Variants in SDR42E1 observed in about 807,000 individuals in gnomAD.
SDR42E1 encodes the protein short chain dehydrogenase/reductase family 42E, member 1, also known as short-chain dehydrogenase/reductase family 42E member 1.
In SDR42E1, 5 loss-of-function variants were observed where a neutral mutation model predicts 2.6. The ratio of observed to expected loss-of-function variants is 1.94; its 90% CI spans 1.01 to 4.08. The LOEUF (loss-of-function observed/expected upper bound fraction) is 4.08. Among genes scored for constraint, SDR42E1 ranks in the 30% most tolerant of loss-of-function variants. The pLI is 0.00. For synonymous variants in SDR42E1, 231 were observed against 188.3 expected, an observed-to-expected ratio of 1.23 and a Z score of -1.86; for missense variants, 596 against 478.6, an observed-to-expected ratio of 1.25 and a Z score of -2.29.
At position 81,996,290 on chromosome 16, in the gene SDR42E1, A is replaced by C. The variant is rs1240712972; in HGVS notation, c.*2821T>G. 1.3e-5 allele frequency: 2 copies of C among 152,266 alleles called. No homozygotes were observed. Among genetic ancestry groups the C allele is most frequent in the Non-Finnish European group, 2.9e-5 (2 of 68,104 alleles). The allele number at this position is 152,266 out of a possible 1,614,324, so 9.4% of individuals were successfully genotyped here. A position where few individuals can be genotyped will look rare whatever the true frequency, so the allele number is the denominator to read the frequency against. ...GGAAGAGCAAATGGGCTACTAGTGG[A>C]ATCTATGGGAGAGAAGGTACACCTA... On this transcript the variant is annotated 3_prime_UTR_variant, in exon 3 of 3. Coordinates refer to ENST00000328945, the MANE Select transcript of SDR42E1 (RefSeq NM_145168.3).
rs200310842 is a variant in SDR42E1 at position 81,999,355 on chromosome 16, C to A, written c.938G>T (p.Arg313Leu). The A allele has an allele frequency of 1.2e-4, 188 of 1,614,034 alleles. No individual in the cohort carries two copies. Among genetic ancestry groups the A allele is most frequent in the Non-Finnish European group, 1.6e-4 (183 of 1,180,042 alleles). The change falls in exon 3 of 3, where the codon CGC (arginine) becomes CTC (leucine). Residue 313 changes from arginine (R) to leucine (L), a missense_variant. Physicochemically the swap from Arg to Leu is moderately radical, Grantham distance 102. Coordinates refer to ENST00000328945, the MANE Select transcript of SDR42E1 (RefSeq NM_145168.3). ...RLYNFQPFLTRTEVYKTGVTH... is the reference protein window; with the variant it reads ...RLYNFQPFLTLTEVYKTGVTH... ...GACACCAGTTTTGTAAACTTCAGTG[C>A]GAGTGAGGAAGGGCTGGAAGTTGTA... is the stretch of plus-strand genomic sequence containing the variant.
At chr16:82,009,589 G>C (rs1263139655) in intron 1 of SDR42E1, among the ~76,000 whole-genome samples, 1 of 152,210 alleles carries the variant, frequency 6.6e-6, no homozygotes, top group Admixed American at 6.5e-5. Flanking sequence ...TTTGGAATGA[G>C]TATACTTACC....
chr16:82,008,392 A>G, intron 1 of SDR42E1, among the ~76,000 whole-genome samples: 1 of 152,254 alleles, frequency 6.6e-6, no homozygotes, highest in East Asian at 1.9e-4. Context: ...TGGAGGGCTC[A>G]GAAGAAGACA....
chr16:81,999,475 A>G lies in SDR42E1; in HGVS notation c.818T>C (p.Leu273Pro), dbSNP rs1912659212. The stretch of plus-strand genomic sequence containing the variant: ...GCGGGTAGACGGGAATGTGTAGCCC[A>G]GGCCCTCAACCAGAGGCCGGAAGAA... ...FEFFRPLVEG[L>P]GYTFPSTRLP... is the part of the protein sequence containing the mutation. The change falls in exon 3 of 3, where the codon CTG becomes CCG. Residue 273 changes from leucine (L) to proline (P), a missense_variant. Physicochemically the swap from Leu to Pro is moderately conservative, Grantham distance 98. Transcript: ENST00000328945. 1 of 1,614,080 alleles carries G rather than the reference A, an allele frequency of 6.2e-7. No individual in the cohort carries two copies. The highest frequency in any genetic ancestry group is 1.7e-5 in the Admixed American group (1 of 60,010).
rs974375675 is a variant in SDR42E1 at position 81,989,258 on chromosome 16, C to G, written c.*9853G>C. ...AATATCAATAGATCACCATGCTGTA[C>G]TATTGAGTGAGAAACCGTAGTAGCA... On this transcript the variant is annotated 3_prime_UTR_variant, in exon 3 of 3. Coordinates refer to ENST00000328945, the MANE Select transcript of SDR42E1 (RefSeq NM_145168.3). The G allele has an allele frequency of 6.6e-6, 1 of 152,032 alleles. No individual in the cohort carries two copies. The highest frequency in any genetic ancestry group is 1.5e-5 in the Non-Finnish European group (1 of 68,018). 9.4% of individuals were successfully genotyped at this position (152,032 alleles called of 1,614,324 possible). A position where few individuals can be genotyped will look rare whatever the true frequency, so the allele number is the denominator to read the frequency against.
rs546277599 is a variant in SDR42E1, at chr16:81,993,415, T to G, written c.*5696A>C. 1 of 152,220 alleles carries G rather than the reference T, an allele frequency of 6.6e-6. No individual in the cohort carries two copies. Among genetic ancestry groups the G allele is most frequent in the South Asian group, 2.1e-4 (1 of 4,816 alleles). 9.4% of individuals were successfully genotyped at this position (152,220 alleles called of 1,614,324 possible). On this transcript the variant is annotated 3_prime_UTR_variant, in exon 3 of 3. Coordinates refer to ENST00000328945, the MANE Select transcript of SDR42E1 (RefSeq NM_145168.3). ...CTGGAGTCTGTATATCGAGGTAAAA[T>G]AGATGTAAGGAGTTCCTGAAATCAT...
rs1344805139 is a variant in SDR42E1 at position 81,999,170 on chromosome 16, A to G, written c.1123T>C (p.Phe375Leu). The change falls in exon 3 of 3, where the codon TTC becomes CTC. Residue 375 changes from phenylalanine (F) to leucine (L), a missense_variant. By Grantham distance (22) the Phe-to-Leu change is conservative. Transcript: ENST00000328945. ...ATGAGAACTGCTATAATCAGGAGGA[A>G]GACCAATAGCCCATCCCAAACAAAA... is the stretch of plus-strand genomic sequence containing the variant. Reference protein sequence around the residue: ...ECFVWDGLLVFLLIIAVLMWL... With the variant: ...ECFVWDGLLVLLLIIAVLMWL... 2.5e-6 allele frequency: 4 copies of G among 1,614,238 alleles called. No individual in the cohort carries two copies. The highest frequency in any genetic ancestry group is 1.3e-5 in the African/African-American group (1 of 75,070).
chr16:81,999,688 C>G lies in SDR42E1; in HGVS notation c.605G>C (p.Ser202Thr), dbSNP rs914035439. The G allele has an allele frequency of 6.2e-7, 1 of 1,614,186 alleles. No individual in the cohort carries two copies. Among genetic ancestry groups the G allele is most frequent in the Non-Finnish European group, 8.5e-7 (1 of 1,180,032 alleles). ...CTTGAACAGACCCTTCTCGATGTAG[C>G]TGACTATCCTGGGAAGGTGTCTTTG... ...GEQRHLPRIV[S>T]YIEKGLFKFV... The change falls in exon 3 of 3, where the codon AGC (serine) becomes ACC (threonine). Residue 202 changes from serine (S) to threonine (T), a missense_variant. Ser to Thr is a moderately conservative substitution (Grantham distance 58). Transcript: ENST00000328945.
intron 1 of SDR42E1, among the ~76,000 whole-genome samples, chr16:82,011,002 T>C (rs1352991640): frequency 6.6e-6 from 1 of 152,228 alleles, no homozygotes; most frequent in Non-Finnish European, 1.5e-5. Context: ...AACCTGTCAC[T>C]GCCACTTTTA....
In SDR42E1 at chr16:81,990,286, T is replaced by G. The variant is rs1159196011; in HGVS notation, c.*8825A>C. The G allele has an allele frequency of 1.3e-5, 2 of 152,066 alleles. No homozygotes were observed. Among genetic ancestry groups the G allele is most frequent in the African/African-American group, 2.4e-5 (1 of 41,384 alleles). The allele number at this position is 152,066 out of a possible 1,614,324, so 9.4% of individuals were successfully genotyped here. ...CTACACTTCAGCCTGGTCGACAGAG[T>G]GACACCATGTCTCAAAAGAAAAAAA... On this transcript the variant is annotated 3_prime_UTR_variant, in exon 3 of 3. Transcript: ENST00000328945.
rs910613671 is a variant in SDR42E1, at chr16:81,994,846, T to C, written c.*4265A>G. The C allele has an allele frequency of 2.0e-5, 3 of 152,328 alleles. No homozygotes were observed. The South Asian group carries it at 6.2e-4, about 32-fold the overall frequency. The allele number at this position is 152,328 out of a possible 1,614,324, so 9.4% of individuals were successfully genotyped here. ...GACAAAGCAACACTTGCCTCTTTTA[T>C]ACACCATGTTAGATGGTTGAGGAAA... On this transcript the variant is annotated 3_prime_UTR_variant, in exon 3 of 3. Transcript: ENST00000328945.
intron 1 of SDR42E1, among the ~76,000 whole-genome samples, chr16:82,003,352 A>C (rs1912832230): frequency 6.6e-6 from 1 of 152,218 alleles, no homozygotes; most frequent in Non-Finnish European, 1.5e-5. Context: ...CATAAAACCA[A>C]ATGCAGTCAA....
Position 81,989,927 on chromosome 16 carries a change from G to A in SDR42E1, c.*9184C>T, listed in dbSNP as rs1912389901. On this transcript the variant is annotated 3_prime_UTR_variant, in exon 3 of 3. Coordinates refer to ENST00000328945, the MANE Select transcript of SDR42E1 (RefSeq NM_145168.3). ...GCAGGAGAATTACTCGAACCTGGGAGGCGGAGGTTGCAGTGAGCCAAGATT... is the reference window on the plus strand; with the variant it reads ...GCAGGAGAATTACTCGAACCTGGGAAGCGGAGGTTGCAGTGAGCCAAGATT... 6.6e-6 allele frequency: 1 copy of A among 152,378 alleles called. No homozygotes were observed. Among genetic ancestry groups the A allele is most frequent in the Non-Finnish European group, 1.5e-5 (1 of 68,218 alleles). The allele number at this position is 152,378 out of a possible 1,614,324, so 9.4% of individuals were successfully genotyped here. A position where few individuals can be genotyped will look rare whatever the true frequency, so the allele number is the denominator to read the frequency against.
intron 1 of SDR42E1, among the ~76,000 whole-genome samples, chr16:82,009,306 G>A (rs566354453): frequency 1.3e-5 from 2 of 152,298 alleles, no homozygotes; most frequent in East Asian, 1.9e-4. Context: ...ACCCCAGAAT[G>A]GTAGATCCAC....
At chr16:82,000,400 T>C (rs1476522829) in intron 2 of SDR42E1, 176 bp from the exon 3 acceptor site, 3 of 789,504 alleles carry the variant, frequency 3.8e-6, no homozygotes, top group Admixed American at 2.0e-5. Flanking sequence ...TTTTCAAAAG[T>C]GAGAATCCTC....
At chr16:82,006,856 G>T (rs1281295426) in intron 1 of SDR42E1, among the ~76,000 whole-genome samples, 1 of 152,118 alleles carries the variant, frequency 6.6e-6, no homozygotes, top group African/African-American at 2.4e-5. Context: ...TTACCTAAGG[G>T]CATAGAGTTA....
chr16:82,000,989 A>G (rs1015744452), intron 1 of SDR42E1, 105 bp from the exon 2 acceptor site: 1 of 684,672 alleles, frequency 1.5e-6, no homozygotes, highest in African/African-American at 1.8e-5. Context: ...TAGTAGAATG[A>G]AAAGGTGAGG....
chr16:81,990,567 G>C lies in SDR42E1; in HGVS notation c.*8544C>G, dbSNP rs917813589. ...GAAACACTATTAATTAAGGATCCAT[G>C]TGCATAGTTCTTGTACAGGTTACAA... On this transcript the variant is annotated 3_prime_UTR_variant, in exon 3 of 3. Coordinates refer to ENST00000328945, the MANE Select transcript of SDR42E1 (RefSeq NM_145168.3). 3 of 152,104 alleles carry C rather than the reference G, an allele frequency of 2.0e-5. No homozygotes were observed. Among genetic ancestry groups the C allele is most frequent in the African/African-American group, 7.2e-5 (3 of 41,396 alleles). 9.4% of individuals were successfully genotyped at this position (152,104 alleles called of 1,614,324 possible). A position where few individuals can be genotyped will look rare whatever the true frequency, so the allele number is the denominator to read the frequency against.
At position 81,999,574 on chromosome 16, in the gene SDR42E1, C is replaced by T; in HGVS notation, c.719G>A (p.Arg240Lys). ...AGAGGCAATATGGCCCTTGTCAGCT[C>T]TCAGGGCTTCTGAGGCCAGAATGTG... ...QAHILASEALRADKGHIASGQ... is the reference protein window; with the variant it reads ...QAHILASEALKADKGHIASGQ... Residue 240 changes from arginine (R) to lysine (K), a missense_variant, in exon 3 of 3, where the codon AGA becomes AAA. Transcript: ENST00000328945. The T allele has an allele frequency of 1.2e-6, 2 of 1,614,128 alleles. No individual in the cohort carries two copies. The highest frequency in any genetic ancestry group is 8.5e-7 in the Non-Finnish European group (1 of 1,180,040).
Sources: gnomAD v4.1 joint callset for allele counts (sites outside exome capture counted in the v4.1 genomes callset) on GRCh38, gnomAD v4.1.1 for gene constraint, MANE v1.5 for transcripts, NCBI Gene and HGNC (gene_info 2026-07-23, HGNC 2026-07-21) for gene names.